Variants in ETFA observed in about 807,000 individuals in gnomAD.
ETFA encodes electron transfer flavoprotein subunit alpha.
A neutral mutation model predicts 46.2 loss-of-function variants in ETFA; 22 were observed. The observed-to-expected ratio is 0.48, with a 90% CI of 0.34 to 0.68. ETFA has a LOEUF of 0.68. Ranked by LOEUF, ETFA falls within the 30% of genes least tolerant of loss-of-function variation. ETFA has a pLI of 0.01. For synonymous variants in ETFA, 131 were observed against 139.9 expected, an observed-to-expected ratio of 0.94 and a Z score of 0.45; for missense variants, 345 against 401.1, an observed-to-expected ratio of 0.86 and a Z score of 1.19.
intron 9 of ETFA, among the ~76,000 whole-genome samples, chr15:76,251,397 G>A (rs1056123079): frequency 6.6e-6 from 1 of 152,130 alleles, no homozygotes; most frequent in Non-Finnish European, 1.5e-5. Flanking sequence ...TAGAAGGAAT[G>A]GTCAGTTTCT....
chr15:76,307,095 A>G (rs2039946819), intron 1 of ETFA, among the ~76,000 whole-genome samples: 1 of 152,224 alleles, frequency 6.6e-6, no homozygotes, highest in African/African-American at 2.4e-5. Flanking sequence ...CAGTAAAAAG[A>G]GTACTCAAAT....
chr15:76,246,273 G>A (rs1032149562), intron 9 of ETFA, among the ~76,000 whole-genome samples: 5 of 152,200 alleles, frequency 3.3e-5, no homozygotes, highest in African/African-American at 1.2e-4. Context: ...GAGGGGTTAA[G>A]TGATTTGTCC....
intron 11 of ETFA, among the ~76,000 whole-genome samples, chr15:76,219,208 C>G (rs1274353404): frequency 1.3e-5 from 2 of 152,162 alleles, no homozygotes; most frequent in Non-Finnish European, 1.5e-5. Flanking sequence ...TTGCCAAGTT[C>G]ATTCAATGGG....
Position 76,285,977 on chromosome 15 carries a change from T to C in ETFA, c.563-239A>G, listed in dbSNP as rs577065568. Among the ~76,000 whole-genome samples, 10 of 152,356 alleles carry C rather than the reference T, an allele frequency of 6.6e-5. No homozygotes were observed. The South Asian group carries it at 1.7e-3, about 25-fold the overall frequency. On this transcript the variant is annotated intron_variant, in intron 6 of 11. Transcript: ENST00000557943. ...TCATTCAATTCTCTGAGTCTGAATA[T>C]AGAATAACTTTCTTTCTATGAGGTT... is the stretch of plus-strand genomic sequence containing the variant.
At chr15:76,226,455 G>A (rs1424962282) in intron 10 of ETFA, 2 of 160,180 alleles carry the variant, frequency 1.2e-5, no homozygotes, top group Admixed American at 6.2e-5. Context: ...ATGGTGGCAT[G>A]TGCCTGTAAT....
chr15:76,267,651 A>T (rs999606336), intron 9 of ETFA, among the ~76,000 whole-genome samples: 17 of 152,300 alleles, frequency 1.1e-4, no homozygotes, highest in African/African-American at 3.8e-4. Context: ...CTACTTTAAA[A>T]ACTCACATAC....
chr15:76,267,555 T>C (rs1461970266), intron 9 of ETFA, among the ~76,000 whole-genome samples: 1 of 152,136 alleles, frequency 6.6e-6, no homozygotes, highest in Non-Finnish European at 1.5e-5. Context: ...TTACTGTTTT[T>C]ACTGATGGAT....
chr15:76,263,145 C>T (rs1035133855), intron 9 of ETFA, among the ~76,000 whole-genome samples: 2 of 152,228 alleles, frequency 1.3e-5, no homozygotes, highest in Non-Finnish European at 2.9e-5. Flanking sequence ...CACATCCTCA[C>T]CACCTGTTTC....
rs573985804 is a variant in ETFA at position 76,288,860 on chromosome 15, C to T, written c.352-915G>A. Among the ~76,000 whole-genome samples the T allele has an allele frequency of 2.1e-4, 31 of 151,182 alleles. No individual in the cohort carries two copies. In the South Asian group the frequency reaches 4.6e-3, roughly 22 times the overall value. Reference sequence around the variant, plus strand: ...CATGTGCTAACTTTGTCCTCAGCAGCAGGAATCCTTGGGAAAGTCACAGTT... The same window carrying T: ...CATGTGCTAACTTTGTCCTCAGCAGTAGGAATCCTTGGGAAAGTCACAGTT... On this transcript the variant is annotated intron_variant, in intron 4 of 11. Coordinates refer to ENST00000557943, the MANE Select transcript of ETFA (RefSeq NM_000126.4).
chr15:76,253,010 C>G (rs2039315147), intron 9 of ETFA, among the ~76,000 whole-genome samples: 1 of 151,546 alleles, frequency 6.6e-6, no homozygotes, highest in African/African-American at 2.4e-5. Flanking sequence ...AACTGCTGGC[C>G]TCAAGCAATC....
At chr15:76,286,745 A>G (rs570296132) in intron 5 of ETFA, among the ~76,000 whole-genome samples, 1 of 152,310 alleles carries the variant, frequency 6.6e-6, no homozygotes, top group South Asian at 2.1e-4. Flanking sequence ...ATCCACACTA[A>G]GAAGGTACAC....
rs773333754 is a variant in ETFA at position 76,283,825 on chromosome 15, C to A, written c.665G>T (p.Gly222Val). ...LTGAKVVVSG[G>V]RGLKSGENFK... ...GTTCTCTCCACTCTTCAAGCCTCGA[C>A]CTCATTTAAAAAGATGAAAAAAAAA... Residue 222 changes from glycine to valine, a missense_variant and splice_region_variant, in exon 8 of 12, where the codon GGT becomes GTT. Physicochemically the swap from Gly to Val is moderately radical, Grantham distance 109. Coordinates refer to ENST00000557943, the MANE Select transcript of ETFA (RefSeq NM_000126.4). 17 of 1,608,504 alleles carry A rather than the reference C, an allele frequency of 1.1e-5. No homozygotes were observed. Among genetic ancestry groups the A allele is most frequent in the Non-Finnish European group, 1.4e-5 (17 of 1,175,964 alleles).
intron 9 of ETFA, among the ~76,000 whole-genome samples, chr15:76,246,118 G>C (rs77633900): frequency 0.063 from 9,577 of 152,100 alleles, 417 homozygotes; most frequent in Non-Finnish European, 0.089. Context: ...TATATACCAG[G>C]CACAGTTTTT....
intron 9 of ETFA, among the ~76,000 whole-genome samples, chr15:76,243,302 C>T (rs1156727834): frequency 6.6e-6 from 1 of 151,356 alleles, no homozygotes; most frequent in Non-Finnish European, 1.5e-5. Context: ...GAAAAAAAAT[C>T]GTTAAAACGG....
chr15:76,301,931 G>A (rs1208645626), intron 1 of ETFA, among the ~76,000 whole-genome samples: 1 of 152,186 alleles, frequency 6.6e-6, no homozygotes, highest in Non-Finnish European at 1.5e-5. Flanking sequence ...AGAAGCATAT[G>A]AAAAGATGCT....
chr15:76,310,369 G>GAAAAAAAAAAAAAAAAAAAAA lies in ETFA; in HGVS notation c.39+960_39+980dup, dbSNP rs34111559. ...GTGGATGGGAAAATATCCATGCCCAGAAAAAAAAAAAAAAAAAAAAAAAGG... is the reference window on the plus strand; with the variant it reads ...GTGGATGGGAAAATATCCATGCCCAGAAAAAAAAAAAAAAAAAAAAAAAAAAAAAAAAAAAAAAAAAAAAGG... On this transcript the variant is annotated intron_variant, in intron 1 of 11. Coordinates refer to ENST00000557943, the MANE Select transcript of ETFA (RefSeq NM_000126.4). Among the ~76,000 whole-genome samples the GAAAAAAAAAAAAAAAAAAAAA allele has an allele frequency of 8.6e-5, 9 of 104,444 alleles. 1 individual carries two copies. Among genetic ancestry groups the GAAAAAAAAAAAAAAAAAAAAA allele is most frequent in the African/African-American group, 1.9e-4 (5 of 26,930 alleles). 68.5% of individuals were successfully genotyped at this position (104,444 alleles called of 152,430 possible). A position where few individuals can be genotyped will look rare whatever the true frequency, so the allele number is the denominator to read the frequency against.
At chr15:76,225,980 C>A (rs2038999921) in intron 10 of ETFA, 51 bp from the exon 11 acceptor site, 1 of 1,037,272 alleles carries the variant, frequency 9.6e-7, no homozygotes, top group Non-Finnish European at 1.5e-6. Context: ...ACATTTCACA[C>A]AGACTGATAG....
intron 5 of ETFA, chr15:76,287,638 G>A (rs191424588): frequency 1.3e-4 from 66 of 502,004 alleles, no homozygotes; most frequent in African/African-American, 1.0e-3. Flanking sequence ...GAATAAACAG[G>A]CAGGAAATCT....
chr15:76,248,600 T>C (rs1411706276), intron 9 of ETFA, among the ~76,000 whole-genome samples: 1 of 152,028 alleles, frequency 6.6e-6, no homozygotes, highest in Non-Finnish European at 1.5e-5. Flanking sequence ...AAGACAGACA[T>C]AAATGAAAGA....
Sources: gnomAD v4.1 joint callset for allele counts (sites outside exome capture counted in the v4.1 genomes callset) on GRCh38, gnomAD v4.1.1 for gene constraint, MANE v1.5 for transcripts, NCBI Gene and HGNC (gene_info 2026-07-23, HGNC 2026-07-21) for gene names.